The following MOSPD1 variants were observed in gnomAD, a reference collection of about 807,000 sequenced individuals.
The protein encoded by MOSPD1 is motile sperm domain-containing protein 1.
Under a neutral mutation model 16.7 loss-of-function variants are expected in MOSPD1, and 5 were observed. The ratio of observed to expected loss-of-function variants is 0.30; its 90% CI spans 0.16 to 0.63. The LOEUF (loss-of-function observed/expected upper bound fraction) is 0.63, where lower values mean the gene tolerates loss of function less well. Among genes scored for constraint, MOSPD1 ranks in the 30% least tolerant of loss-of-function variants. MOSPD1 has a pLI of 0.82. For missense variants in MOSPD1, 104 were observed against 153.6 expected, an observed-to-expected ratio of 0.68 and a Z score of 1.71; for synonymous variants, 67 against 59.2, an observed-to-expected ratio of 1.13 and a Z score of -0.61.
chrX:134,910,586 C>T (rs1488382441), intron 1 of MOSPD1, among the ~76,000 whole-genome samples: 1 of 111,709 alleles, frequency 9.0e-6, no homozygotes, highest in Non-Finnish European at 1.9e-5. Flanking sequence ...CAGTGTTAAA[C>T]TGCTGATAGA....
At chrX:134,889,927 C>T (rs1427247502) in intron 5 of MOSPD1, among the ~76,000 whole-genome samples, 5 of 110,132 alleles carry the variant, frequency 4.5e-5, no homozygotes, top group Non-Finnish European at 3.8e-5. Context: ...AAAAATTAGC[C>T]GGGTGTGGTG....
intron 1 of MOSPD1, among the ~76,000 whole-genome samples, chrX:134,902,190 C>T (rs1393805315): frequency 2.7e-5 from 3 of 109,759 alleles, no homozygotes; most frequent in African/African-American, 9.9e-5. Flanking sequence ...GACAGATCAC[C>T]TGATGTCAGG....
chrX:134,895,035 T>TA (rs1226726340), intron 4 of MOSPD1, among the ~76,000 whole-genome samples: 2 of 101,978 alleles, frequency 2.0e-5, no homozygotes, highest in Non-Finnish European at 4.2e-5. Context: ...AATTCTTTAA[T>TA]ATACTTTAGA....
intron 3 of MOSPD1, 73 bp downstream of exon 3, chrX:134,899,017 C>CT (rs769161741): frequency 6.4e-4 from 554 of 865,399 alleles, no homozygotes; most frequent in Non-Finnish European, 7.5e-4. Flanking sequence ...AAGAAAATAT[C>CT]TTTTTTTTTC....
intron 1 of MOSPD1, among the ~76,000 whole-genome samples, chrX:134,900,995 ACATT>A (rs4029429): frequency 0.2 from 22,038 of 111,782 alleles, 1,701 homozygotes; most frequent in Non-Finnish European, 0.23. Flanking sequence ...GGGTTCTCAT[ACATT>A]CAAAGAGAAA....
intron 4 of MOSPD1, 109 bp from the exon 5 acceptor site, chrX:134,891,749 C>A: frequency 1.3e-6 from 1 of 754,726 alleles, no homozygotes; most frequent in East Asian, 3.5e-5. Context: ...TCTAACTTCT[C>A]CAATTGTTTC....
Position 134,911,468 on chromosome X carries a change from T to G in MOSPD1, c.-102+3714A>C, listed in dbSNP as rs781232945. Among the ~76,000 whole-genome samples, 10 of 112,224 alleles carry G rather than the reference T, an allele frequency of 8.9e-5. No homozygotes were observed. In the South Asian group the frequency reaches 3.7e-3, roughly 41 times the overall value. ...AAGAAACCTGTAATTCTGTGGAATA[T>G]ACTAACTGCTAGGCTTGAAAAAAGT... On this transcript the variant is annotated intron_variant, in intron 1 of 5. Transcript: ENST00000370783.
At chrX:134,895,348 C>T (rs1167827233) in intron 4 of MOSPD1, among the ~76,000 whole-genome samples, 2 of 100,415 alleles carry the variant, frequency 2.0e-5, no homozygotes, top group African/African-American at 7.6e-5. Flanking sequence ...TAAAATAAGA[C>T]AATACATACT....
At position 134,891,638 on chromosome X, in the gene MOSPD1, T is replaced by G; in HGVS notation, c.451A>C (p.Asn151His). Residue 151 changes from asparagine to histidine, a missense_variant and splice_region_variant, in exon 5 of 6, where the codon AAC becomes CAC. Asn to His is a moderately conservative substitution (Grantham distance 68). Transcript: ENST00000370783. The part of the protein sequence containing the change: ...LFFEQSFQPE[N>H]RAVSSGPSLL... Reference sequence around the variant, plus strand: ...CTAGGTCCTGAGGATACAGCTCTGTTTTCTGTAAAAAGACAAAAATCCCTA... The same window carrying G: ...CTAGGTCCTGAGGATACAGCTCTGTGTTCTGTAAAAAGACAAAAATCCCTA... 1 of 1,203,996 alleles carries G rather than the reference T, an allele frequency of 8.3e-7. No homozygotes were observed.
chrX:134,907,297 T>C (rs2082948278), intron 1 of MOSPD1, among the ~76,000 whole-genome samples: 1 of 112,020 alleles, frequency 8.9e-6, no homozygotes, highest in Non-Finnish European at 1.9e-5. Context: ...TCTGTAGCAA[T>C]TGTCCCTGCT....
At chrX:134,906,675 A>G (rs911264596) in intron 1 of MOSPD1, among the ~76,000 whole-genome samples, 2 of 111,843 alleles carry the variant, frequency 1.8e-5, no homozygotes, top group African/African-American at 6.5e-5. Context: ...ACAAAATGAT[A>G]AAGTGCAAAA....
chrX:134,905,031 G>A (rs948131266), intron 1 of MOSPD1, among the ~76,000 whole-genome samples: 1 of 110,725 alleles, frequency 9.0e-6, no homozygotes, highest in Non-Finnish European at 1.9e-5. Context: ...CGCAAGGAGC[G>A]GTGCAGTGTG....
intron 4 of MOSPD1, among the ~76,000 whole-genome samples, chrX:134,895,053 G>A (rs113698033): frequency 1.2e-3 from 76 of 64,095 alleles, no homozygotes; most frequent in East Asian, 5.6e-3. Context: ...AGATACCAAG[G>A]TTTGTTAGAA....
chrX:134,911,664 G>A (rs1055690359), intron 1 of MOSPD1, among the ~76,000 whole-genome samples: 3 of 112,306 alleles, frequency 2.7e-5, no homozygotes, highest in African/African-American at 9.7e-5. Flanking sequence ...TTTTGAGTTT[G>A]GTTGGTGTGA....
At chrX:134,904,115 A>G (rs2082929074) in intron 1 of MOSPD1, among the ~76,000 whole-genome samples, 2 of 112,562 alleles carry the variant, frequency 1.8e-5, no homozygotes, top group Non-Finnish European at 3.8e-5. Context: ...CATCTGTATA[A>G]CTTTTTAAAC....
chrX:134,890,350 G>A (rs1486456978), intron 5 of MOSPD1, among the ~76,000 whole-genome samples: 4 of 110,114 alleles, frequency 3.6e-5, no homozygotes, highest in Admixed American at 9.8e-5. Flanking sequence ...TGGATTATGG[G>A]GAACCACTGA....
chrX:134,912,080 C>T (rs779923771), intron 1 of MOSPD1, among the ~76,000 whole-genome samples: 17 of 112,325 alleles, frequency 1.5e-4, no homozygotes, highest in Non-Finnish European at 2.4e-4. Context: ...GACAGAGTTT[C>T]GCTCTTATTG....
intron 1 of MOSPD1, 41 bp from the exon 2 acceptor site, chrX:134,899,575 C>A: frequency 1.7e-6 from 1 of 578,925 alleles, no homozygotes; most frequent in Non-Finnish European, 2.6e-6. Context: ...AGTGAATGAT[C>A]CCAATTTTCA....
rs1201844510 is a variant in MOSPD1 at position 134,899,071 on chromosome X, G to A, written c.230+19C>T. 8.8e-7 allele frequency: 1 copy of A among 1,131,400 alleles called. No homozygotes were observed. The highest frequency in any genetic ancestry group is 1.2e-6 in the Non-Finnish European group (1 of 833,422). The allele number at this position is 1,131,400 out of a possible 1,213,427, so 93.2% of individuals were successfully genotyped here. A position where few individuals can be genotyped will look rare whatever the true frequency, so the allele number is the denominator to read the frequency against. Reference sequence around the variant, plus strand: ...TTAACACACTTAAAACGTGTTACCAGGAATTGATCTTGACTTACATATCCA... The same window carrying A: ...TTAACACACTTAAAACGTGTTACCAAGAATTGATCTTGACTTACATATCCA... On this transcript the variant is annotated intron_variant, in intron 3 of 5. Transcript: ENST00000370783.
Sources: allele counts gnomAD v4.1 joint callset (sites outside exome capture counted in the v4.1 genomes callset), GRCh38; gene constraint gnomAD v4.1.1; transcripts MANE v1.5; gene names NCBI Gene and HGNC (gene_info 2026-07-23, HGNC 2026-07-21).